The following LRRC7 variants were observed in gnomAD, a reference collection of about 807,000 sequenced individuals.
LRRC7 encodes leucine rich repeat containing 7, also known as leucine-rich repeat-containing protein 7.
In LRRC7, 23 loss-of-function variants were observed where a neutral mutation model predicts 175.7. The observed-to-expected ratio is 0.13, with a 90% CI of 0.09 to 0.19. The LOEUF is 0.19. Among genes scored for constraint, LRRC7 ranks in the 10% least tolerant of loss-of-function variants. The pLI, the probability that LRRC7 is intolerant of heterozygous loss-of-function variation, is 1.00. For synonymous variants in LRRC7, 685 were observed against 680.9 expected (o/e 1.01, Z -0.09); for missense variants, 1,354 against 1,904.7 (o/e 0.71, Z 5.38).
chr1:69,880,761 T>G (rs925013906), intron 7 of LRRC7, among the ~76,000 whole-genome samples: 2 of 146,342 alleles, frequency 1.4e-5, no homozygotes, highest in African/African-American at 5.4e-5. Context: ...TTGTCATATA[T>G]AAGGAAAAAA....
At chr1:69,683,742 C>A (rs1660783307) in intron 2 of LRRC7, among the ~76,000 whole-genome samples, 1 of 152,046 alleles carries the variant, frequency 6.6e-6, no homozygotes, top group East Asian at 1.9e-4. Context: ...TGTGGAAAAA[C>A]TTTTTTAGAG....
At chr1:69,978,920 T>C (rs1418215219) in intron 8 of LRRC7, among the ~76,000 whole-genome samples, 2 of 134,234 alleles carry the variant, frequency 1.5e-5, no homozygotes, top group African/African-American at 5.8e-5. Context: ...TAAGTAATAA[T>C]TGTTTCAGTT....
intron 18 of LRRC7, among the ~76,000 whole-genome samples, chr1:70,035,645 A>T (rs942103115): frequency 6.6e-6 from 1 of 151,886 alleles, no homozygotes. Context: ...AAAAAAAAAA[A>T]AATCTTAATT....
chr1:69,700,868 A>G (rs79364564), intron 2 of LRRC7, among the ~76,000 whole-genome samples: 1 of 152,300 alleles, frequency 6.6e-6, no homozygotes, highest in East Asian at 1.9e-4. Flanking sequence ...GACCAGGGTC[A>G]TGTTGTGCTG....
chr1:69,690,685 A>G (rs1661748798), intron 2 of LRRC7, among the ~76,000 whole-genome samples: 1 of 152,174 alleles, frequency 6.6e-6, no homozygotes. Flanking sequence ...ATAACACACC[A>G]GATACACTGA....
At chr1:69,621,328 G>A (rs990136348) in intron 1 of LRRC7, among the ~76,000 whole-genome samples, 7 of 152,116 alleles carry the variant, frequency 4.6e-5, no homozygotes, top group African/African-American at 1.7e-4. Context: ...TAATAGGAGT[G>A]AGCCACCGCA....
intron 2 of LRRC7, among the ~76,000 whole-genome samples, chr1:69,745,212 T>C (rs1024405316): frequency 6.6e-6 from 1 of 151,964 alleles, no homozygotes; most frequent in Non-Finnish European, 1.5e-5. Context: ...TTGTAGTCCA[T>C]TGAGTTAAAT....
At chr1:70,078,518 C>T (rs1006892241) in intron 24 of LRRC7, among the ~76,000 whole-genome samples, 1 of 152,182 alleles carries the variant, frequency 6.6e-6, no homozygotes, top group Non-Finnish European at 1.5e-5. Flanking sequence ...TTCCAGCACA[C>T]CACTGACTAC....
chr1:69,707,729 C>T (rs1260014740), intron 2 of LRRC7, among the ~76,000 whole-genome samples: 1 of 152,108 alleles, frequency 6.6e-6, no homozygotes, highest in African/African-American at 2.4e-5. Context: ...AAAGTCATCT[C>T]TAGACTAGAT....
chr1:70,090,558 C>A (rs778916763), intron 25 of LRRC7, among the ~76,000 whole-genome samples: 2 of 151,980 alleles, frequency 1.3e-5, no homozygotes, highest in Non-Finnish European at 2.9e-5. Context: ...TGCCCTGCTA[C>A]CATCAGTGTT....
chr1:70,065,331 T>G (rs888229585), intron 23 of LRRC7, among the ~76,000 whole-genome samples: 36 of 152,002 alleles, frequency 2.4e-4, no homozygotes, highest in Non-Finnish European at 7.4e-5. Flanking sequence ...TATTAAACTT[T>G]GCTTCTCAGT....
chr1:69,719,376 C>A (rs1319041370), intron 2 of LRRC7, among the ~76,000 whole-genome samples: 2 of 151,550 alleles, frequency 1.3e-5, no homozygotes, highest in Non-Finnish European at 3.0e-5. Context: ...TTCCCACATT[C>A]TTTTTGTTTT....
chr1:69,749,406 C>G (rs1669587008), intron 2 of LRRC7, among the ~76,000 whole-genome samples: 1 of 152,058 alleles, frequency 6.6e-6, no homozygotes, highest in Non-Finnish European at 1.5e-5. Flanking sequence ...AAATATGGAA[C>G]AGAAGATTTT....
At chr1:70,025,840 G>C (rs924175100) in intron 17 of LRRC7, among the ~76,000 whole-genome samples, 3 of 142,246 alleles carry the variant, frequency 2.1e-5, no homozygotes, top group Admixed American at 7.0e-5. Flanking sequence ...AAGGGGGGGG[G>C]GGTCCTCTTT....
intron 23 of LRRC7, among the ~76,000 whole-genome samples, chr1:70,068,561 T>G (rs72945241): frequency 0.15 from 23,352 of 152,098 alleles, 2,863 homozygotes; most frequent in African/African-American, 0.33. Context: ...TTATAGTGGT[T>G]TTTTTCTTCC....
At chr1:69,861,037 T>G (rs969065285) in intron 7 of LRRC7, among the ~76,000 whole-genome samples, 1 of 151,920 alleles carries the variant, frequency 6.6e-6, no homozygotes, top group Non-Finnish European at 1.5e-5. Context: ...TGAAAGAGTG[T>G]GAGAAAGAGG....
At chr1:70,017,787 A>C (rs1161878749) in intron 14 of LRRC7, among the ~76,000 whole-genome samples, 3 of 152,154 alleles carry the variant, frequency 2.0e-5, no homozygotes, top group Non-Finnish European at 4.4e-5. Context: ...AAATCTTATC[A>C]ATAAACTATA....
At chr1:70,040,592 C>A (rs376663078) in intron 21 of LRRC7, among the ~76,000 whole-genome samples, 3 of 152,080 alleles carry the variant, frequency 2.0e-5, no homozygotes, top group African/African-American at 7.2e-5. Flanking sequence ...GAGGCCGAGG[C>A]GGGCGGTCAG....
At chr1:70,031,382 A>G (rs1658701851) in intron 18 of LRRC7, among the ~76,000 whole-genome samples, 1 of 152,206 alleles carries the variant, frequency 6.6e-6, no homozygotes, top group Admixed American at 6.5e-5. Flanking sequence ...TAATTAATTG[A>G]TACCTATCCA....
Sources: gnomAD v4.1 joint callset for allele counts (sites outside exome capture counted in the v4.1 genomes callset) on GRCh38, gnomAD v4.1.1 for gene constraint, MANE v1.5 for transcripts, NCBI Gene and HGNC (gene_info 2026-07-23, HGNC 2026-07-21) for gene names.